The following CDK14 variants were observed in gnomAD, a reference collection of about 807,000 sequenced individuals.
The protein encoded by CDK14 is cyclin dependent kinase 14.
Under a neutral mutation model 60.7 loss-of-function variants are expected in CDK14, and 34 were observed. That is an observed-to-expected ratio of 0.56 (90% CI 0.43 to 0.75). CDK14 has a LOEUF of 0.75. Among genes scored for constraint, CDK14 ranks in the 30% least tolerant of loss-of-function variants. The pLI is 0.00. For missense variants in CDK14, 482 were observed against 564.1 expected (o/e 0.85, Z 1.47); for synonymous variants, 197 against 203.7 (o/e 0.97, Z 0.28).
At chr7:90,742,166 A>G (rs957485778) in intron 3 of CDK14, among the ~76,000 whole-genome samples, 2 of 152,064 alleles carry the variant, frequency 1.3e-5, no homozygotes, top group Non-Finnish European at 2.9e-5. Flanking sequence ...TTTTTATGCT[A>G]TCTGCTTCAT....
At chr7:90,619,512 T>C (rs1321561413) in intron 2 of CDK14, among the ~76,000 whole-genome samples, 2 of 152,226 alleles carry the variant, frequency 1.3e-5, no homozygotes, top group South Asian at 4.1e-4. Flanking sequence ...TGAGTATTTT[T>C]TCACTATTAA....
At chr7:91,063,919 G>A (rs2116140375) in intron 11 of CDK14, among the ~76,000 whole-genome samples, 1 of 152,040 alleles carries the variant, frequency 6.6e-6, no homozygotes, top group Admixed American at 6.5e-5. Flanking sequence ...TATGTGTCAG[G>A]GACTTATCAG....
chr7:91,054,365 A>G (rs1797492595), intron 11 of CDK14, among the ~76,000 whole-genome samples: 1 of 152,130 alleles, frequency 6.6e-6, no homozygotes, highest in African/African-American at 2.4e-5. Flanking sequence ...GCCTTAGGGT[A>G]TTTAGAGCTC....
At chr7:90,949,546 T>A (rs570541757) in intron 8 of CDK14, among the ~76,000 whole-genome samples, 6 of 152,294 alleles carry the variant, frequency 3.9e-5, no homozygotes, top group South Asian at 2.1e-4. Context: ...TTAGGATATA[T>A]ATAAATTAGG....
At chr7:91,028,700 A>G (rs971141657) in intron 10 of CDK14, among the ~76,000 whole-genome samples, 1 of 151,868 alleles carries the variant, frequency 6.6e-6, no homozygotes, top group African/African-American at 2.4e-5. Flanking sequence ...ATTTTTTCAT[A>G]TGTTTGTTGG....
At chr7:90,823,184 A>G (rs1400616501) in intron 5 of CDK14, among the ~76,000 whole-genome samples, 1 of 152,222 alleles carries the variant, frequency 6.6e-6, no homozygotes, top group African/African-American at 2.4e-5. Context: ...ATTAGCATAC[A>G]TTAATCAAAA....
At chr7:90,598,722 T>TTTTTTTTTTA (rs58589657) in intron 1 of CDK14, among the ~76,000 whole-genome samples, 2 of 135,668 alleles carry the variant, frequency 1.5e-5, no homozygotes, top group African/African-American at 2.7e-5. Context: ...TTTTTTTTTT[T>TTTTTTTTTTA]GAGACGGAGT....
intron 7 of CDK14, among the ~76,000 whole-genome samples, chr7:90,915,615 C>A (rs1477772357): frequency 6.6e-6 from 1 of 152,196 alleles, no homozygotes; most frequent in East Asian, 1.9e-4. Flanking sequence ...TTGGAGGAAG[C>A]AGTTCTCTAG....
chr7:91,178,944 C>T (rs181743007), intron 14 of CDK14, among the ~76,000 whole-genome samples: 9,183 of 152,124 alleles, frequency 0.06, 823 homozygotes, highest in East Asian at 0.48. Flanking sequence ...TTGACCCAGC[C>T]ATCCCATTAC....
chr7:90,737,379 A>G (rs1436405795), intron 3 of CDK14, among the ~76,000 whole-genome samples: 3 of 152,236 alleles, frequency 2.0e-5, no homozygotes, highest in Non-Finnish European at 4.4e-5. Context: ...ATATCCCATG[A>G]TAGGCAGGCC....
Position 90,627,155 on chromosome 7 carries a change from A to G in CDK14, c.123+22906A>G, listed in dbSNP as rs55821496. Among the ~76,000 whole-genome samples the G allele has an allele frequency of 5.1e-3, 782 of 151,934 alleles. 5 individuals carry two copies. The highest frequency in any genetic ancestry group is 0.016 in the African/African-American group (670 of 41,432). ...TACTTTATTATACATCTCAATTTAG[A>G]CTAGCCACATTTCAGGTGCTCATTA... On this transcript the variant is annotated intron_variant, in intron 2 of 14. Coordinates refer to ENST00000380050, the MANE Select transcript of CDK14 (RefSeq NM_001287135.2).
chr7:90,808,378 A>G (rs975282620), intron 5 of CDK14, among the ~76,000 whole-genome samples: 13 of 152,170 alleles, frequency 8.5e-5, no homozygotes, highest in African/African-American at 2.9e-4. Context: ...CTTCATAAGT[A>G]AAGGAGAAAT....
intron 9 of CDK14, among the ~76,000 whole-genome samples, chr7:90,970,545 A>T (rs1011576435): frequency 2.0e-5 from 3 of 152,222 alleles, no homozygotes; most frequent in African/African-American, 4.8e-5. Flanking sequence ...TAACAAAGAG[A>T]TTGCTGACCC....
At chr7:90,995,883 T>C (rs1795669820) in intron 10 of CDK14, among the ~76,000 whole-genome samples, 1 of 152,218 alleles carries the variant, frequency 6.6e-6, no homozygotes, top group Admixed American at 6.5e-5. Context: ...GTAAAACAGA[T>C]AAGCAGTCCC....
intron 3 of CDK14, among the ~76,000 whole-genome samples, chr7:90,736,359 T>TTTTTTTA: frequency 6.8e-6 from 1 of 146,960 alleles, no homozygotes; most frequent in African/African-American, 2.5e-5. Context: ...TGTTTTTTTT[T>TTTTTTTA]TTTTTTTTTT....
At chr7:90,713,624 G>T (rs775137274) in intron 2 of CDK14, among the ~76,000 whole-genome samples, 3 of 144,924 alleles carry the variant, frequency 2.1e-5, no homozygotes, top group Non-Finnish European at 3.0e-5. Flanking sequence ...AGCTTTGGAA[G>T]TACTTTTTTT....
At chr7:91,088,700 A>G (rs761253021) in intron 12 of CDK14, among the ~76,000 whole-genome samples, 71 of 152,070 alleles carry the variant, frequency 4.7e-4, no homozygotes, top group Non-Finnish European at 7.8e-4. Context: ...GTGTATCTCT[A>G]TGTGAATTCT....
intron 8 of CDK14, among the ~76,000 whole-genome samples, chr7:90,923,061 G>A (rs6465297): frequency 0.82 from 124,136 of 150,826 alleles, 51,233 homozygotes; most frequent in East Asian, 0.95. Context: ...TCACTATAGT[G>A]TCATTGATAT....
chr7:90,853,525 AACAC>A (rs71526700), intron 5 of CDK14, among the ~76,000 whole-genome samples: 8 of 83,560 alleles, frequency 9.6e-5, no homozygotes, highest in Admixed American at 2.2e-4. Flanking sequence ...TAAACACACA[AACAC>A]ACACACACAC....
Sources: allele counts gnomAD v4.1 joint callset (sites outside exome capture counted in the v4.1 genomes callset), GRCh38; gene constraint gnomAD v4.1.1; transcripts MANE v1.5; gene names NCBI Gene and HGNC (gene_info 2026-07-23, HGNC 2026-07-21).